OASL: variants seen among roughly 807,000 people sequenced by gnomAD.
OASL encodes the protein 2'-5'-oligoadenylate synthase-like protein.
In OASL, 28 loss-of-function variants were observed where a neutral mutation model predicts 35.3. That is an observed-to-expected ratio of 0.79 (90% CI 0.59 to 1.09). OASL has a LOEUF of 1.09. Ranked by LOEUF, OASL falls within the 50% of genes least tolerant of loss-of-function variation. The probability of loss-of-function intolerance (pLI) is 0.00; values close to 1 mark genes in which losing one functional copy is unlikely to be tolerated. For missense variants in OASL, 620 were observed against 635.2 expected, an observed-to-expected ratio of 0.98 and a Z score of 0.26; for synonymous variants, 252 against 254.6, an observed-to-expected ratio of 0.99 and a Z score of 0.10.
chr12:121,033,758 G>A lies in OASL; in HGVS notation c.199-15C>T. On this transcript the variant is annotated splice_polypyrimidine_tract_variant and intron_variant, in intron 1 of 5. Transcript: ENST00000257570. Reference sequence around the variant, plus strand: ...AAGGAGCCCACCTGCAGAACACAGAGCCCCGTCACCCTGAGGCCCACTGCC... The same window carrying A: ...AAGGAGCCCACCTGCAGAACACAGAACCCCGTCACCCTGAGGCCCACTGCC... The A allele has an allele frequency of 6.2e-7, 1 of 1,608,194 alleles. No homozygotes were observed. The highest frequency in any genetic ancestry group is 2.0e-4 in the Middle Eastern group (1 of 5,086).
chr12:121,033,564 C>T (rs754052081), exon 2 of OASL: 2 of 1,614,196 alleles, frequency 1.2e-6, no homozygotes, highest in South Asian at 2.2e-5. Context: ...GCTCCATCCT[C>T]AGGTCCTCGA....
At chr12:121,036,423 A>G (rs1440166056) in intron 1 of OASL, among the ~76,000 whole-genome samples, 5 of 152,186 alleles carry the variant, frequency 3.3e-5, no homozygotes, top group Non-Finnish European at 5.9e-5. Flanking sequence ...AGTGGTTTCA[A>G]GAGGAAAAGT....
At chr12:121,021,217 G>A (rs1230005535) in intron 5 of OASL, among the ~76,000 whole-genome samples, 159 bp from the exon 6 acceptor site, 1 of 152,194 alleles carries the variant, frequency 6.6e-6, no homozygotes, top group Non-Finnish European at 1.5e-5. Context: ...TGTATGCTGA[G>A]CACCTTCCAT....
chr12:121,032,922 T>A (rs530558102), intron 2 of OASL, among the ~76,000 whole-genome samples: 1 of 152,110 alleles, frequency 6.6e-6, no homozygotes, highest in Admixed American at 6.6e-5. Flanking sequence ...TTTTTGTTTG[T>A]TTTTTTGTTT....
In OASL at chr12:121,032,913, TTTTG is replaced by T. The variant is rs538394679; in HGVS notation, c.481+544_481+547del. On this transcript the variant is annotated intron_variant, in intron 2 of 5. Coordinates refer to ENST00000257570, the Ensembl canonical transcript of OASL. ...ATTTACACCATTTGCAATCATGTTT[TTTTG>T]TTTGTTTTTTTGTTTTTTGTTTTTT... 2.8e-3 allele frequency among the ~76,000 whole-genome samples: 427 copies of T among 151,040 alleles called. 1 individual carries two copies. The highest frequency in any genetic ancestry group is 1.0e-2 in the African/African-American group (404 of 40,570).
chr12:121,032,197 A>T (rs536389880), intron 2 of OASL, among the ~76,000 whole-genome samples: 65 of 151,244 alleles, frequency 4.3e-4, no homozygotes, highest in African/African-American at 1.5e-3. Context: ...CGTCTCAAAA[A>T]ATATATATAT....
At chr12:121,020,734 C>T in exon 6 of OASL, 6 of 1,614,132 alleles carry the variant, frequency 3.7e-6, no homozygotes, top group Non-Finnish European at 5.1e-6. Context: ...TGCTTCAGAC[C>T]CAGGATGAAG....
chr12:121,031,538 G>A, exon 3 of OASL: 2 of 1,614,064 alleles, frequency 1.2e-6, no homozygotes, highest in Non-Finnish European at 1.7e-6. Context: ...AGGATGGGCA[G>A]AAATTTCCAG....
At chr12:121,029,064 G>GAAAAAA (rs10577200) in intron 3 of OASL, among the ~76,000 whole-genome samples, 2 of 105,090 alleles carry the variant, frequency 1.9e-5, no homozygotes, top group Non-Finnish European at 3.7e-5. Flanking sequence ...ACTTGTCTCA[G>GAAAAAA]AAAAAAAAAA....
At chr12:121,019,523 G>A (rs1267776836) in exon 6 of OASL, 2 of 152,106 alleles carry the variant, frequency 1.3e-5, no homozygotes, top group East Asian at 3.8e-4. Context: ...AGGAGTTGAG[G>A]TGATTTTTTT....
exon 5 of OASL, chr12:121,024,059 G>T (rs1327086526): frequency 6.2e-7 from 1 of 1,614,082 alleles, no homozygotes; most frequent in Non-Finnish European, 8.5e-7. Context: ...GGCACTGGGA[G>T]GCCCTCTGAG....
chr12:121,033,698 C>A, exon 2 of OASL: 1 of 1,614,054 alleles, frequency 6.2e-7, no homozygotes, highest in African/African-American at 1.3e-5. Flanking sequence ...ACCAGCTCCA[C>A]CTCTCTGGTG....
chr12:121,031,932 T>C (rs1046755516), intron 2 of OASL, among the ~76,000 whole-genome samples: 10 of 152,178 alleles, frequency 6.6e-5, no homozygotes, highest in Middle Eastern at 3.2e-3. Context: ...GGCTTAAGCC[T>C]GTAATCCCAG....
rs1592942096 is a variant in OASL, at chr12:121,039,050, T to A, written c.-79A>T. 4.9e-6 allele frequency: 6 copies of A among 1,213,602 alleles called. No individual in the cohort carries two copies. The South Asian group carries it at 5.1e-5, about 10-fold the overall frequency. 75.2% of individuals were successfully genotyped at this position (1,213,602 alleles called of 1,614,324 possible). A position where few individuals can be genotyped will look rare whatever the true frequency, so the allele number is the denominator to read the frequency against. On this transcript the variant is annotated 5_prime_UTR_variant, in exon 1 of 6. Coordinates refer to ENST00000257570, the Ensembl canonical transcript of OASL. ...GCTCCCTGGCACACACCTCCTTTTTTAAGGTAGCTCCTCCTCAGCTGCCCT... is the reference window on the plus strand; with the variant it reads ...GCTCCCTGGCACACACCTCCTTTTTAAAGGTAGCTCCTCCTCAGCTGCCCT...
chr12:121,031,481 C>T (rs1869727613), exon 3 of OASL: 1 of 1,613,948 alleles, frequency 6.2e-7, no homozygotes, highest in Non-Finnish European at 8.5e-7. Context: ...GGAGGCTCTT[C>T]AGCTTAGTTG....
At chr12:121,024,593 G>C (rs1869403607) in intron 4 of OASL, among the ~76,000 whole-genome samples, 1 of 152,014 alleles carries the variant, frequency 6.6e-6, no homozygotes. Context: ...CCTCCAGCCT[G>C]GGTGACCGAG....
At chr12:121,035,533 A>AAAACC (rs1555216039) in intron 1 of OASL, among the ~76,000 whole-genome samples, 3 of 148,506 alleles carry the variant, frequency 2.0e-5, no homozygotes, top group African/African-American at 4.9e-5. Flanking sequence ...TAAACAAAAC[A>AAAACC]AAACAACAAA....
chr12:121,035,601 A>G (rs1869924333), intron 1 of OASL, among the ~76,000 whole-genome samples: 1 of 152,110 alleles, frequency 6.6e-6, no homozygotes, highest in South Asian at 2.1e-4. Context: ...TCTCCAATGT[A>G]CAGATGAGAA....
chr12:121,035,315 A>T (rs1209278937), intron 1 of OASL, among the ~76,000 whole-genome samples: 1 of 152,132 alleles, frequency 6.6e-6, no homozygotes, highest in Non-Finnish European at 1.5e-5. Flanking sequence ...TCATGAGGTC[A>T]GGAGTTCGAG....
Sources: gnomAD v4.1 joint callset for allele counts (sites outside exome capture counted in the v4.1 genomes callset) on GRCh38, gnomAD v4.1.1 for gene constraint, MANE v1.5 for transcripts, NCBI Gene and HGNC (gene_info 2026-07-23, HGNC 2026-07-21) for gene names.